KCNB2: variants seen among roughly 807,000 people sequenced by gnomAD.
The protein encoded by KCNB2 is potassium voltage-gated channel subfamily B member 2.
Under a neutral mutation model 61.5 loss-of-function variants are expected in KCNB2, and 15 were observed. The ratio of observed to expected loss-of-function variants is 0.24; its 90% confidence interval spans 0.16 to 0.38. KCNB2 has a LOEUF of 0.38. KCNB2 is among the 10% of genes least tolerant of loss of function. The pLI, the probability that KCNB2 is intolerant of heterozygous loss-of-function variation, is 1.00. For missense variants in KCNB2, 828 were observed against 1,125.2 expected (o/e 0.74, Z 3.78); for synonymous variants, 457 against 446.0 (o/e 1.02, Z -0.31).
At chr8:72,815,145 A>G (rs1487018059) in intron 2 of KCNB2, among the ~76,000 whole-genome samples, 5 of 152,180 alleles carry the variant, frequency 3.3e-5, no homozygotes, top group East Asian at 1.9e-4. Context: ...GTGGCAGGCA[A>G]TTGTACCCAT....
chr8:72,684,490 A>T (rs1432955828), intron 2 of KCNB2, among the ~76,000 whole-genome samples: 1 of 152,180 alleles, frequency 6.6e-6, no homozygotes, highest in Non-Finnish European at 1.5e-5. Flanking sequence ...ACAGTATTTA[A>T]GACGCAGGAG....
At chr8:72,760,755 G>A (rs770495153) in intron 2 of KCNB2, among the ~76,000 whole-genome samples, 1 of 152,202 alleles carries the variant, frequency 6.6e-6, no homozygotes, top group Non-Finnish European at 1.5e-5. Context: ...TTGACTTGGT[G>A]TTGGCAGTAC....
chr8:72,636,154 A>C (rs775559764), intron 2 of KCNB2, among the ~76,000 whole-genome samples: 4 of 152,118 alleles, frequency 2.6e-5, no homozygotes, highest in Admixed American at 6.6e-5. Flanking sequence ...TGACTTTTTC[A>C]TAGATTTAGG....
At chr8:72,894,208 G>A (rs1805949940) in intron 2 of KCNB2, among the ~76,000 whole-genome samples, 1 of 152,096 alleles carries the variant, frequency 6.6e-6, no homozygotes, top group Admixed American at 6.6e-5. Flanking sequence ...GCAGGTGTAG[G>A]GACAAACTAA....
chr8:72,572,639 G>A (rs349331), intron 2 of KCNB2, among the ~76,000 whole-genome samples: 131,804 of 151,970 alleles, frequency 0.87, 57,514 homozygotes, highest in African/African-American at 0.96. Context: ...TGTGCCCCTC[G>A]GGAACTGGTT....
At chr8:72,874,174 T>C (rs1805665334) in intron 2 of KCNB2, among the ~76,000 whole-genome samples, 1 of 152,210 alleles carries the variant, frequency 6.6e-6, no homozygotes, top group Admixed American at 6.5e-5. Flanking sequence ...TTTTCTTAAT[T>C]TGAGTAAGAC....
intron 2 of KCNB2, among the ~76,000 whole-genome samples, chr8:72,884,221 C>A (rs994067803): frequency 2.0e-5 from 3 of 152,116 alleles, no homozygotes; most frequent in African/African-American, 7.2e-5. Flanking sequence ...TTTCTCACAC[C>A]ATAGATTGTC....
chr8:72,933,767 A>G (rs1806841157), intron 2 of KCNB2, among the ~76,000 whole-genome samples: 1 of 152,190 alleles, frequency 6.6e-6, no homozygotes, highest in Admixed American at 6.5e-5. Flanking sequence ...TTAGCCAGGG[A>G]TTTATCTAAA....
At chr8:72,795,636 CA>C (rs1809019690) in intron 2 of KCNB2, among the ~76,000 whole-genome samples, 1 of 152,116 alleles carries the variant, frequency 6.6e-6, no homozygotes, top group Non-Finnish European at 1.5e-5. Context: ...CAAAAACAAA[CA>C]AACAAAAAAC....
chr8:72,796,060 A>G (rs1379661569), intron 2 of KCNB2, among the ~76,000 whole-genome samples: 4 of 152,226 alleles, frequency 2.6e-5, no homozygotes, highest in Non-Finnish European at 5.9e-5. Context: ...CCTTTCTTAC[A>G]TAATAAATAG....
chr8:72,692,679 T>C (rs1418850326), intron 2 of KCNB2, among the ~76,000 whole-genome samples: 1 of 152,014 alleles, frequency 6.6e-6, no homozygotes, highest in African/African-American at 2.4e-5. Flanking sequence ...AAGACAGCTT[T>C]TATATTTCTA....
intron 2 of KCNB2, among the ~76,000 whole-genome samples, chr8:72,635,811 G>T (rs1037819074): frequency 2.0e-5 from 3 of 152,162 alleles, no homozygotes; most frequent in Non-Finnish European, 2.9e-5. Flanking sequence ...CTGACAGAAA[G>T]TGTCTTATCA....
At chr8:72,900,525 A>T (rs1806070330) in intron 2 of KCNB2, among the ~76,000 whole-genome samples, 1 of 152,234 alleles carries the variant, frequency 6.6e-6, no homozygotes, top group Admixed American at 6.5e-5. Context: ...GAGCTTCAGC[A>T]CAGCAAAAGA....
chr8:72,573,381 T>C (rs1806744598), intron 2 of KCNB2, among the ~76,000 whole-genome samples: 1 of 152,232 alleles, frequency 6.6e-6, no homozygotes, highest in African/African-American at 2.4e-5. Context: ...AGTGAACAGC[T>C]TGGGCTGTAT....
At chr8:72,717,035 C>A (rs527769869) in intron 2 of KCNB2, among the ~76,000 whole-genome samples, 1 of 151,734 alleles carries the variant, frequency 6.6e-6, no homozygotes, top group South Asian at 2.1e-4. Flanking sequence ...AAACAGAGAG[C>A]CAAATCATGA....
At chr8:72,838,339 C>T (rs977368721) in intron 2 of KCNB2, among the ~76,000 whole-genome samples, 5 of 152,130 alleles carry the variant, frequency 3.3e-5, no homozygotes, top group Non-Finnish European at 7.3e-5. Context: ...TGTTCAGCTC[C>T]CACCTATGAG....
chr8:72,678,689 T>C (rs1407924926), intron 2 of KCNB2, among the ~76,000 whole-genome samples: 1 of 152,216 alleles, frequency 6.6e-6, no homozygotes, highest in Admixed American at 6.5e-5. Context: ...CACTGAAAGA[T>C]TTATGACGTC....
intron 2 of KCNB2, among the ~76,000 whole-genome samples, chr8:72,888,731 A>G (rs1805847515): frequency 6.6e-6 from 1 of 152,216 alleles, no homozygotes; most frequent in African/African-American, 2.4e-5. Context: ...CAGTAAAACT[A>G]TGGGATATAG....
intron 2 of KCNB2, among the ~76,000 whole-genome samples, chr8:72,781,985 G>C (rs955587911): frequency 6.6e-6 from 1 of 152,112 alleles, no homozygotes; most frequent in African/African-American, 2.4e-5. Flanking sequence ...GAGAGCATCA[G>C]GATAAATATC....
Sources: allele counts gnomAD v4.1 joint callset (sites outside exome capture counted in the v4.1 genomes callset), GRCh38; gene constraint gnomAD v4.1.1; transcripts MANE v1.5; gene names NCBI Gene and HGNC (gene_info 2026-07-23, HGNC 2026-07-21).